Variants in TRIM33 observed in about 807,000 individuals in gnomAD.
TRIM33 encodes the protein E3 ubiquitin-protein ligase TRIM33.
A neutral mutation model predicts 125.4 loss-of-function variants in TRIM33; 20 were observed. The observed-to-expected ratio is 0.16, with a 90% CI of 0.11 to 0.23. TRIM33 has a LOEUF of 0.23. TRIM33 is among the 10% of genes least tolerant of loss of function. The probability of loss-of-function intolerance (pLI) is 1.00; values close to 1 mark genes in which losing one functional copy is unlikely to be tolerated. For missense variants in TRIM33, 920 were observed against 1,411.4 expected, an observed-to-expected ratio of 0.65 and a Z score of 5.58; for synonymous variants, 564 against 513.9, an observed-to-expected ratio of 1.10 and a Z score of -1.32.
chr1:114,511,033 C>T lies in TRIM33; in HGVS notation c.44G>A (p.Gly15Glu). 3 of 1,319,186 alleles carry T rather than the reference C, an allele frequency of 2.3e-6. No individual in the cohort carries two copies. The highest frequency in any genetic ancestry group is 2.9e-6 in the Non-Finnish European group (3 of 1,032,990). The allele number at this position is 1,319,186 out of a possible 1,614,324, so 81.7% of individuals were successfully genotyped here. A position where few individuals can be genotyped will look rare whatever the true frequency, so the allele number is the denominator to read the frequency against. The change falls in exon 1 of 20, where the codon GGG becomes GAG. Residue 15 changes from glycine to glutamate, a missense_variant. Transcript: ENST00000358465. ...AGTTACCGGCGCGCTGCCGCTGCCC[C>T]CGCCGCCGCTCTCAGCCTCGCCGCC... is the stretch of plus-strand genomic sequence containing the variant. ...KGGGEAESGGGGSGSAPVTAG... is the reference protein window; with the variant it reads ...KGGGEAESGGEGSGSAPVTAG...
At chr1:114,429,361 T>G (rs1440273950) in intron 6 of TRIM33, among the ~76,000 whole-genome samples, 2 of 134,878 alleles carry the variant, frequency 1.5e-5, no homozygotes, top group Admixed American at 7.2e-5. Context: ...CTAATTTTTG[T>G]TTTTTTTTTT....
chr1:114,463,345 A>ATT (rs1650102511), intron 3 of TRIM33, 67 bp downstream of exon 3: 8 of 1,560,112 alleles, frequency 5.1e-6, no homozygotes, highest in Non-Finnish European at 6.1e-6. Context: ...TAAGTAGAAA[A>ATT]TTCTATAGGG....
intron 17 of TRIM33, among the ~76,000 whole-genome samples, chr1:114,400,733 T>C (rs189593091): frequency 5.3e-5 from 8 of 152,330 alleles, no homozygotes; most frequent in Non-Finnish European, 1.0e-4. Flanking sequence ...TATGTAATAA[T>C]GTACTATTCA....
intron 1 of TRIM33, chr1:114,468,473 A>C: frequency 8.1e-6 from 3 of 368,428 alleles, no homozygotes; most frequent in South Asian, 6.8e-5. Context: ...GGGACAAAGA[A>C]TTGGAAGCTG....
Position 114,443,954 on chromosome 1 carries a change from C to T in TRIM33, c.924-10221G>A, listed in dbSNP as rs1352705159. 2.6e-5 allele frequency among the ~76,000 whole-genome samples: 4 copies of T among 152,020 alleles called. No homozygotes were observed. The East Asian group carries it at 7.7e-4, about 29-fold the overall frequency. On this transcript the variant is annotated intron_variant, in intron 4 of 19. Transcript: ENST00000358465. ...ACACAGTGACTGGTACCAGACTAGC[C>T]CTTGTCACCAAAAACTATAAAAGAA...
chr1:114,498,070 T>C lies in TRIM33; in HGVS notation c.526+12481A>G, dbSNP rs1359962779. On this transcript the variant is annotated intron_variant, in intron 1 of 19. Transcript: ENST00000358465. ...TTGAATCCAAGAGCGGAGGTTGCAA[T>C]GAGCTGAGATCGCACCACTGCACTC... 2.1e-5 allele frequency among the ~76,000 whole-genome samples: 3 copies of C among 139,906 alleles called. No individual in the cohort carries two copies. The East Asian group carries it at 6.1e-4, about 28-fold the overall frequency. 91.8% of individuals were successfully genotyped at this position (139,906 alleles called of 152,430 possible).
At chr1:114,457,285 C>A (rs1268006038) in intron 4 of TRIM33, among the ~76,000 whole-genome samples, 1 of 152,186 alleles carries the variant, frequency 6.6e-6, no homozygotes, top group East Asian at 1.9e-4. Context: ...GTCAGCCACA[C>A]ATACTAATGC....
chr1:114,456,643 A>G (rs1649644975), intron 4 of TRIM33, among the ~76,000 whole-genome samples: 1 of 152,192 alleles, frequency 6.6e-6, no homozygotes, highest in African/African-American at 2.4e-5. Flanking sequence ...TGAGTGGGAG[A>G]GATCCCAATT....
intron 4 of TRIM33, among the ~76,000 whole-genome samples, chr1:114,442,687 C>CAAAAAAAAAAA (rs34847018): frequency 4.3e-4 from 32 of 73,696 alleles, no homozygotes; most frequent in East Asian, 6.2e-4. Flanking sequence ...GACTCTGTCT[C>CAAAAAAAAAAA]AAAAAAAAAA....
chr1:114,419,453 T>A (rs773398461), intron 11 of TRIM33, among the ~76,000 whole-genome samples: 1 of 152,206 alleles, frequency 6.6e-6, no homozygotes, highest in Non-Finnish European at 1.5e-5. Context: ...AAAACAGGGA[T>A]ATTACATATC....
At chr1:114,458,396 C>A (rs1649749732) in intron 4 of TRIM33, among the ~76,000 whole-genome samples, 1 of 152,158 alleles carries the variant, frequency 6.6e-6, no homozygotes, top group Non-Finnish European at 1.5e-5. Flanking sequence ...TCAGACTCTG[C>A]ATTCTGCTGG....
intron 1 of TRIM33, among the ~76,000 whole-genome samples, chr1:114,506,752 CTAT>C (rs1295889035): frequency 1.3e-5 from 2 of 152,214 alleles, no homozygotes; most frequent in African/African-American, 4.8e-5. Context: ...AAAAAGCTCA[CTAT>C]TGAGATTCAA....
chr1:114,456,205 A>C (rs34500144), intron 4 of TRIM33, among the ~76,000 whole-genome samples: 20,689 of 152,196 alleles, frequency 0.14, 1,765 homozygotes, highest in Non-Finnish European at 0.19. Context: ...GAAAGCACGT[A>C]AGTTCACCTT....
At chr1:114,471,268 C>A (rs1247971298) in intron 1 of TRIM33, among the ~76,000 whole-genome samples, 1 of 152,100 alleles carries the variant, frequency 6.6e-6, no homozygotes, top group Admixed American at 6.5e-5. Context: ...CCAATATGGT[C>A]AAACTCTACT....
At chr1:114,498,080 T>G (rs1476892342) in intron 1 of TRIM33, among the ~76,000 whole-genome samples, 1 of 134,718 alleles carries the variant, frequency 7.4e-6, no homozygotes, top group East Asian at 2.1e-4. Flanking sequence ...TGAGCTGAGA[T>G]CGCACCACTG....
At chr1:114,418,528 T>C (rs1264791510) in intron 11 of TRIM33, among the ~76,000 whole-genome samples, 1 of 152,058 alleles carries the variant, frequency 6.6e-6, no homozygotes, top group Non-Finnish European at 1.5e-5. Context: ...TCCCCAAAAC[T>C]CAACTGCCTT....
Position 114,463,093 on chromosome 1 carries a change from G to T in TRIM33, c.923+11C>A. On this transcript the variant is annotated intron_variant, in intron 4 of 19. Coordinates refer to ENST00000358465, the MANE Select transcript of TRIM33 (RefSeq NM_015906.4). The stretch of plus-strand genomic sequence containing the variant: ...ATAGTATTTCCTGGTAAGCAATTAT[G>T]ATTTCTGTACCTATGTTCTTTGTGT... The T allele has an allele frequency of 6.4e-7, 1 of 1,566,938 alleles. No individual in the cohort carries two copies. Among genetic ancestry groups the T allele is most frequent in the South Asian group, 1.2e-5 (1 of 82,462 alleles).
At chr1:114,419,627 A>G (rs774071825) in intron 11 of TRIM33, among the ~76,000 whole-genome samples, 1 of 151,662 alleles carries the variant, frequency 6.6e-6, no homozygotes, top group Non-Finnish European at 1.5e-5. Context: ...CTCAGCCAAA[A>G]AAGACTTCTC....
rs774951409 is a variant in TRIM33 at position 114,427,210 on chromosome 1, G to C, written c.1387C>G (p.Pro463Ala). 3 of 1,597,954 alleles carry C rather than the reference G, an allele frequency of 1.9e-6. No homozygotes were observed. In the South Asian group the frequency reaches 3.4e-5, roughly 18 times the overall value. Residue 463 changes from proline to alanine, a missense_variant, in exon 8 of 20, where the codon CCC becomes GCC. Transcript: ENST00000358465. ...ANGAIRFHCD[P>A]TFWAKNVVNL... The stretch of plus-strand genomic sequence containing the variant: ...ACTACATTCTTTGCCCAGAAGGTGG[G>C]ATCACAATGGAAACGTATTGCTCCA...
Sources: gnomAD v4.1 joint callset for allele counts (sites outside exome capture counted in the v4.1 genomes callset) on GRCh38, gnomAD v4.1.1 for gene constraint, MANE v1.5 for transcripts, NCBI Gene and HGNC (gene_info 2026-07-23, HGNC 2026-07-21) for gene names.